Variants in BRIP1 observed in about 807,000 individuals in gnomAD.
The protein encoded by BRIP1 is Fanconi anemia group J protein.
In BRIP1, 88 loss-of-function variants were observed where a neutral mutation model predicts 119.7. The observed-to-expected ratio is 0.74, with a 90% CI of 0.62 to 0.88. The LOEUF is 0.88. BRIP1 is among the 40% of genes least tolerant of loss of function. The pLI is 0.00. For missense variants in BRIP1, 1,259 were observed against 1,455.4 expected (o/e 0.87, Z 2.20); for synonymous variants, 443 against 496.5 (o/e 0.89, Z 1.43).
Position 61,780,149 on chromosome 17 carries a change from A to G in BRIP1, c.1935+112T>C, listed in dbSNP as rs970942424. Reference sequence around the variant, plus strand: ...TTTTATTGTAAAACTGGAATGTTGAATTTCCTACCAAGATTTACTTGCTGG... The same window carrying G: ...TTTTATTGTAAAACTGGAATGTTGAGTTTCCTACCAAGATTTACTTGCTGG... On this transcript the variant is annotated intron_variant, in intron 13 of 19. Transcript: ENST00000259008. The surrounding 1 kb of genome is among the most constrained non-coding windows in gnomAD (Gnocchi z 5.4). 1.7e-6 allele frequency: 2 copies of G among 1,189,518 alleles called. No homozygotes were observed. The highest frequency in any genetic ancestry group is 2.0e-5 in the Admixed American group (1 of 50,524). The allele number at this position is 1,189,518 out of a possible 1,614,324, so 73.7% of individuals were successfully genotyped here. A position where few individuals can be genotyped will look rare whatever the true frequency, so the allele number is the denominator to read the frequency against.
At chr17:61,779,273 G>A (rs1338745969) in intron 13 of BRIP1, among the ~76,000 whole-genome samples, 1 of 152,162 alleles carries the variant, frequency 6.6e-6, no homozygotes, top group African/African-American at 2.4e-5. Flanking sequence ...TAATGGAAAA[G>A]AGAAGCATAA....
chr17:61,713,022 T>G lies in BRIP1; in HGVS notation c.2492+2929A>C, dbSNP rs567872796. Among the ~76,000 whole-genome samples, 11 of 152,258 alleles carry G rather than the reference T, an allele frequency of 7.2e-5. No homozygotes were observed. Among genetic ancestry groups the G allele is most frequent in the Non-Finnish European group, 1.2e-4 (8 of 68,012 alleles). On this transcript the variant is annotated intron_variant, in intron 17 of 19. Transcript: ENST00000259008. This position sits in a 1 kb window ranked among gnomAD's most constrained non-coding sequence, Gnocchi z 4.9. ...AATGCACCACATAATGATGTTTCAG[T>G]CAGTGTGAAGTGCATATATGATAGT...
At position 61,796,040 on chromosome 17, in the gene BRIP1, A is replaced by T. The variant is rs1254581963; in HGVS notation, c.1341-2311T>A. ...AGCACTTTTCATATGTCTGATTGCCATTTGTATGTCTTCTTTAGAGAAATG... is the reference window on the plus strand; with the variant it reads ...AGCACTTTTCATATGTCTGATTGCCTTTTGTATGTCTTCTTTAGAGAAATG... On this transcript the variant is annotated intron_variant, in intron 9 of 19. Transcript: ENST00000259008. The surrounding 1 kb of genome is among the most constrained non-coding windows in gnomAD (Gnocchi z 4.8). Among the ~76,000 whole-genome samples the T allele has an allele frequency of 6.6e-6, 1 of 152,060 alleles. No individual in the cohort carries two copies. Among genetic ancestry groups the T allele is most frequent in the East Asian group, 1.9e-4 (1 of 5,196 alleles).
rs78619261 is a variant in BRIP1 at position 61,708,270 on chromosome 17, TA to T, written c.2492+7680del. Among the ~76,000 whole-genome samples the T allele has an allele frequency of 0.34, 51,276 of 151,960 alleles. 8,861 individuals carry two copies. Among genetic ancestry groups the T allele is most frequent in the East Asian group, 0.49 (2,527 of 5,150 alleles). On this transcript the variant is annotated intron_variant, in intron 17 of 19. Coordinates refer to ENST00000259008, the MANE Select transcript of BRIP1 (RefSeq NM_032043.3). The surrounding 1 kb of genome is among the most constrained non-coding windows in gnomAD (Gnocchi z 4.4). ...AAATTCCAGAAATAATTCATACATT[TA>T]AAAATGCATGCCCTTCTGAGTTGCA...
In BRIP1 at chr17:61,699,674, T is replaced by G. The variant is rs759680050; in HGVS notation, c.2493-6162A>C. On this transcript the variant is annotated intron_variant, in intron 17 of 19. Coordinates refer to ENST00000259008, the MANE Select transcript of BRIP1 (RefSeq NM_032043.3). This position sits in a 1 kb window ranked among gnomAD's most constrained non-coding sequence, Gnocchi z 4.8. The stretch of plus-strand genomic sequence containing the variant: ...TTGTTTACCCCTAGAAAGGTCTGTT[T>G]AAAGGTGTTCCTGGGCTGATGAATG... Among the ~76,000 whole-genome samples the G allele has an allele frequency of 6.6e-6, 1 of 152,204 alleles. No homozygotes were observed.
chr17:61,749,558 A>G (rs920471272), intron 14 of BRIP1, among the ~76,000 whole-genome samples: 1 of 152,194 alleles, frequency 6.6e-6, no homozygotes, highest in South Asian at 2.1e-4. Flanking sequence ...ATATTGGTTC[A>G]CAGCTGTTCG....
chr17:61,756,083 A>T lies in BRIP1; in HGVS notation c.2098-11492T>A, dbSNP rs370189746. Among the ~76,000 whole-genome samples, 1 of 152,238 alleles carries T rather than the reference A, an allele frequency of 6.6e-6. No homozygotes were observed. The highest frequency in any genetic ancestry group is 2.1e-4 in the South Asian group (1 of 4,836). On this transcript the variant is annotated intron_variant, in intron 14 of 19. Coordinates refer to ENST00000259008, the MANE Select transcript of BRIP1 (RefSeq NM_032043.3). The surrounding 1 kb of genome is among the most constrained non-coding windows in gnomAD (Gnocchi z 4.3). ...ACATGCAAATTTGGAGTACAATTCT[A>T]TAGCAAAAACATACTGGTTATTTTA...
rs1411869768 is a variant in BRIP1, at chr17:61,780,904, T to A, written c.1730A>T (p.Lys577Met). ...TGCAGTTTTCTGTCGTGAACGTTTCTTATTTTTTGGTAGAACCAACAACCC... is the reference window on the plus strand; with the variant it reads ...TGCAGTTTTCTGTCGTGAACGTTTCATATTTTTTGGTAGAACCAACAACCC... Reference protein sequence around the residue: ...KNGLLVLPKNKKRSRQKTAVH... With the variant: ...KNGLLVLPKNMKRSRQKTAVH... Residue 577 changes from lysine (K) to methionine (M), a missense_variant, in exon 12 of 20, where the codon AAG becomes ATG. Around this residue, in one of 3 missense-constraint regions of BRIP1, gnomAD observed 753 missense variants for 891.8 expected, o/e 0.84. Transcript: ENST00000259008. This position sits in a 1 kb window ranked among gnomAD's most constrained non-coding sequence, Gnocchi z 5.4. The A allele has an allele frequency of 6.2e-7, 1 of 1,614,102 alleles. No individual in the cohort carries two copies. Among genetic ancestry groups the A allele is most frequent in the African/African-American group, 1.3e-5 (1 of 74,954 alleles).
At chr17:61,786,372 C>A (rs2077707555) in intron 10 of BRIP1, among the ~76,000 whole-genome samples, 1 of 151,742 alleles carries the variant, frequency 6.6e-6, no homozygotes, top group Admixed American at 6.6e-5. Context: ...TCAGAAGAAA[C>A]CACTACAAGA....
At chr17:61,698,652 C>A (rs1052062751) in intron 17 of BRIP1, among the ~76,000 whole-genome samples, 2 of 151,562 alleles carry the variant, frequency 1.3e-5, no homozygotes, top group African/African-American at 2.4e-5. Flanking sequence ...TGTTTTGGGG[C>A]CTTTTTGTTA....
chr17:61,804,512 C>T lies in BRIP1; in HGVS notation c.919-3038G>A, dbSNP rs1171745854. 6.6e-5 allele frequency among the ~76,000 whole-genome samples: 10 copies of T among 150,808 alleles called. No individual in the cohort carries two copies. The highest frequency in any genetic ancestry group is 2.9e-5 in the Non-Finnish European group (2 of 67,810). The stretch of plus-strand genomic sequence containing the variant: ...CAAGCACTTCTCATGCCTCAGCCTC[C>T]CAAGTAGCTGGGATTACAAGCACGC... On this transcript the variant is annotated intron_variant, in intron 7 of 19. Coordinates refer to ENST00000259008, the MANE Select transcript of BRIP1 (RefSeq NM_032043.3). This position sits in a 1 kb window ranked among gnomAD's most constrained non-coding sequence, Gnocchi z 4.5.
intron 3 of BRIP1, among the ~76,000 whole-genome samples, chr17:61,858,723 A>G (rs2145841880): frequency 6.6e-6 from 1 of 152,282 alleles, no homozygotes; most frequent in African/African-American, 2.4e-5. Flanking sequence ...ATGTATCTAT[A>G]TACCTATATA....
rs77802498 is a variant in BRIP1, at chr17:61,737,071, C to T, written c.2379+5942G>A. Among the ~76,000 whole-genome samples the T allele has an allele frequency of 5.4e-3, 823 of 151,388 alleles. 5 individuals carry two copies. The highest frequency in any genetic ancestry group is 8.5e-3 in the Non-Finnish European group (577 of 67,794). On this transcript the variant is annotated intron_variant, in intron 16 of 19. Transcript: ENST00000259008. ...TAATCCCCAAGGTAAATACTAAAAA[C>T]CAAAAAATACATATAAAAGGAAAGA...
At position 61,734,068 on chromosome 17, in the gene BRIP1, C is replaced by A. The variant is rs1326617705; in HGVS notation, c.2379+8945G>T. ...TACTATTATACTATACTATGCTAGG[C>A]AATACAAATAAAATGCAATTTTAAA... On this transcript the variant is annotated intron_variant, in intron 16 of 19. Coordinates refer to ENST00000259008, the MANE Select transcript of BRIP1 (RefSeq NM_032043.3). The surrounding 1 kb of genome is among the most constrained non-coding windows in gnomAD (Gnocchi z 5.2). 6.6e-6 allele frequency among the ~76,000 whole-genome samples: 1 copy of A among 152,070 alleles called. No individual in the cohort carries two copies. The highest frequency in any genetic ancestry group is 1.5e-5 in the Non-Finnish European group (1 of 67,998).
chr17:61,684,166 T>C lies in BRIP1; in HGVS notation c.2906-26A>G. The stretch of plus-strand genomic sequence containing the variant: ...CTAAGAATACAAGAATTTAAGAGAT[T>C]TAACTTTCTGCTCCTAGCTAACATA... On this transcript the variant is annotated intron_variant, in intron 19 of 19. Transcript: ENST00000259008. This position sits in a 1 kb window ranked among gnomAD's most constrained non-coding sequence, Gnocchi z 4.5. 1 of 1,609,644 alleles carries C rather than the reference T, an allele frequency of 6.2e-7. No homozygotes were observed.
At position 61,802,264 on chromosome 17, in the gene BRIP1, C is replaced by T. The variant is rs1044302165; in HGVS notation, c.919-790G>A. ...CTGTTTTAGGTGAGGAGTTTGATAC[C>T]AGCCTGGGCAATGTAGCAAAACCCT... is the stretch of plus-strand genomic sequence containing the variant. On this transcript the variant is annotated intron_variant, in intron 7 of 19. Coordinates refer to ENST00000259008, the MANE Select transcript of BRIP1 (RefSeq NM_032043.3). The surrounding 1 kb of genome is among the most constrained non-coding windows in gnomAD (Gnocchi z 6.0). Among the ~76,000 whole-genome samples the T allele has an allele frequency of 6.6e-6, 1 of 152,036 alleles. No homozygotes were observed. The highest frequency in any genetic ancestry group is 6.6e-5 in the Admixed American group (1 of 15,248).
At chr17:61,833,143 T>C (rs2078517432) in intron 6 of BRIP1, among the ~76,000 whole-genome samples, 1 of 152,196 alleles carries the variant, frequency 6.6e-6, no homozygotes, top group African/African-American at 2.4e-5. Flanking sequence ...ACATGACAAT[T>C]GCAGATACTA....
At chr17:61,839,207 T>C (rs80220241) in intron 6 of BRIP1, among the ~76,000 whole-genome samples, 4,482 of 152,148 alleles carry the variant, frequency 0.029, 94 homozygotes, top group Non-Finnish European at 0.041. Flanking sequence ...AGATGTATTA[T>C]TTAATGCTAG....
In BRIP1 at chr17:61,842,220, G is replaced by A. The variant is rs750888481; in HGVS notation, c.627+4881C>T. Among the ~76,000 whole-genome samples the A allele has an allele frequency of 7.9e-5, 12 of 152,030 alleles. No homozygotes were observed. Among genetic ancestry groups the A allele is most frequent in the Admixed American group, 3.9e-4 (6 of 15,238 alleles). ...ACTGTATGTTCTTACTCATATGTAG[G>A]AGCTAAAAAAAATGAGCTCATAGAA... On this transcript the variant is annotated intron_variant, in intron 6 of 19. Coordinates refer to ENST00000259008, the MANE Select transcript of BRIP1 (RefSeq NM_032043.3). This position sits in a 1 kb window ranked among gnomAD's most constrained non-coding sequence, Gnocchi z 5.1.
Sources: gnomAD v4.1 joint callset for allele counts (sites outside exome capture counted in the v4.1 genomes callset) on GRCh38, gnomAD v4.1.1 for gene constraint, gnomAD v4.1.1 regional missense constraint, Gnocchi (gnomAD v3.1) non-coding constraint, MANE v1.5 for transcripts, NCBI Gene and HGNC (gene_info 2026-07-23, HGNC 2026-07-21) for gene names.